The following BTNL3 variants were observed in gnomAD, a reference collection of about 807,000 sequenced individuals.
BTNL3 encodes the protein butyrophilin like 3.
In BTNL3, 20 loss-of-function variants were observed where a neutral mutation model predicts 40.1. The observed-to-expected ratio is 0.50, with a 90% CI of 0.35 to 0.72. BTNL3 has a LOEUF of 0.72. BTNL3 is among the 30% of genes least tolerant of loss of function. The pLI is 0.01. For missense variants in BTNL3, 449 were observed against 582.2 expected, an observed-to-expected ratio of 0.77 and a Z score of 2.35; for synonymous variants, 179 against 222.1, an observed-to-expected ratio of 0.81 and a Z score of 1.73.
At position 181,006,034 on chromosome 5, in the gene BTNL3, C is replaced by T; in HGVS notation, c.*162C>T. 1 of 772,954 alleles carries T rather than the reference C, an allele frequency of 1.3e-6. No homozygotes were observed. The allele number at this position is 772,954 out of a possible 1,614,324, so 47.9% of individuals were successfully genotyped here. On this transcript the variant is annotated 3_prime_UTR_variant, in exon 8 of 8. Transcript: ENST00000342868. ...GAGCTGAGGTTCTTCTGCCCTGAGC[C>T]CTGCAGCAGCGGCAGTCACAGCTTC...
Position 180,988,924 on chromosome 5 carries a change from C to T in BTNL3, c.-105C>T, listed in dbSNP as rs1759936013. The T allele has an allele frequency of 4.0e-6, 5 of 1,250,840 alleles. 1 individual carries two copies. In the African/African-American group the frequency reaches 4.4e-5, roughly 11 times the overall value. The allele number at this position is 1,250,840 out of a possible 1,614,324, so 77.5% of individuals were successfully genotyped here. Reference sequence around the variant, plus strand: ...GTTTGACATCGTTCATGAAGAGCCTCTCCACGGCTCCTGCGCCTGAGACAG... The same window carrying T: ...GTTTGACATCGTTCATGAAGAGCCTTTCCACGGCTCCTGCGCCTGAGACAG... On this transcript the variant is annotated 5_prime_UTR_variant, in exon 1 of 8. Transcript: ENST00000342868.
intron 5 of BTNL3, 122 bp downstream of exon 5, chr5:181,003,998 A>C (rs772427875): frequency 6.6e-7 from 1 of 1,508,894 alleles, no homozygotes; most frequent in Admixed American, 1.8e-5. Context: ...GGTGGAGGGG[A>C]GCAGCTGCTC....
At chr5:180,989,169 G>C in intron 1 of BTNL3, 92 bp downstream of exon 1, 1 of 1,274,656 alleles carries the variant, frequency 7.8e-7, no homozygotes, top group Admixed American at 3.3e-5. Flanking sequence ...GTGAGATGCA[G>C]GAATCTTTGG....
intron 1 of BTNL3, among the ~76,000 whole-genome samples, chr5:180,989,952 G>A (rs1256107465): frequency 2.2e-5 from 3 of 136,510 alleles, no homozygotes; most frequent in Non-Finnish European, 3.4e-5. Flanking sequence ...CTGAGGTCAG[G>A]AGTTTGAGAC....
At chr5:180,994,278 A>G (rs1451715643) in intron 2 of BTNL3, among the ~76,000 whole-genome samples, 1 of 136,930 alleles carries the variant, frequency 7.3e-6, no homozygotes, top group African/African-American at 2.5e-5. Flanking sequence ...CTAGTGACAA[A>G]TTCTCTTAGT....
chr5:181,002,678 T>C lies in BTNL3; in HGVS notation c.680T>C (p.Phe227Ser), dbSNP rs766933868. Residue 227 changes from phenylalanine to serine, a missense_variant, in exon 4 of 8, where the codon TTT (phenylalanine) becomes TCT (serine). Phe to Ser is a radical substitution (Grantham distance 155, BLOSUM62 -2). This residue lies in a region of BTNL3 where 323 missense variants were observed against 464.9 expected (regional missense o/e 0.69). Transcript: ENST00000342868. ...CTGTGGGACTGTTTTTCAGAGACGTTTTTCCAGCCCTCACCTTGGCGCCTG... is the reference window on the plus strand; with the variant it reads ...CTGTGGGACTGTTTTTCAGAGACGTCTTTCCAGCCCTCACCTTGGCGCCTG... ...VESKVLIGET[F>S]FQPSPWRLAS... 4 of 1,454,552 alleles carry C rather than the reference T, an allele frequency of 2.7e-6. No individual in the cohort carries two copies. Among genetic ancestry groups the C allele is most frequent in the East Asian group, 4.9e-5 (2 of 40,504 alleles). The allele number at this position is 1,454,552 out of a possible 1,614,324, so 90.1% of individuals were successfully genotyped here.
At chr5:181,001,311 G>C (rs1760105772) in intron 3 of BTNL3, among the ~76,000 whole-genome samples, 1 of 135,256 alleles carries the variant, frequency 7.4e-6, no homozygotes, top group Admixed American at 7.9e-5. Flanking sequence ...TTTTTGGTTT[G>C]TTTGTTTTTT....
intron 7 of BTNL3, among the ~76,000 whole-genome samples, chr5:181,005,035 A>G (rs1334905134): frequency 6.6e-6 from 1 of 152,176 alleles, no homozygotes; most frequent in African/African-American, 2.4e-5. Context: ...AAGTGAAGTT[A>G]GCAGGAACTG....
In BTNL3 at chr5:181,000,966, C is replaced by A. The variant is rs1424661406; in HGVS notation, c.674-1706C>A. Among the ~76,000 whole-genome samples, 2 of 135,854 alleles carry A rather than the reference C, an allele frequency of 1.5e-5. 1 individual carries two copies. The allele number at this position is 135,854 out of a possible 152,430, so 89.1% of individuals were successfully genotyped here. A position where few individuals can be genotyped will look rare whatever the true frequency, so the allele number is the denominator to read the frequency against. On this transcript the variant is annotated intron_variant, in intron 3 of 7. Transcript: ENST00000342868. ...AGGGAAGAAAATGTAAAAGTTATAA[C>A]TTTTAGAAAGAAAAAAATTAAATGG...
Position 181,006,096 on chromosome 5 carries a change from A to T in BTNL3, c.*224A>T. 1 of 515,074 alleles carries T rather than the reference A, an allele frequency of 1.9e-6. No homozygotes were observed. Among genetic ancestry groups the T allele is most frequent in the East Asian group, 3.0e-5 (1 of 33,490 alleles). The allele number at this position is 515,074 out of a possible 1,614,324, so 31.9% of individuals were successfully genotyped here. On this transcript the variant is annotated 3_prime_UTR_variant, in exon 8 of 8. Coordinates refer to ENST00000342868, the MANE Select transcript of BTNL3 (RefSeq NM_197975.3). ...GGATTGGCCTGACCCTGTGGGAGTC[A>T]GAAGCCATGGCTGCCCTGAAGTGGG...
At position 181,005,115 on chromosome 5, in the gene BTNL3, G is replaced by C. The variant is rs1760195885; in HGVS notation, c.863-219G>C. Among the ~76,000 whole-genome samples, 4 of 152,086 alleles carry C rather than the reference G, an allele frequency of 2.6e-5. No individual in the cohort carries two copies. In the South Asian group the frequency reaches 8.3e-4, roughly 31 times the overall value. On this transcript the variant is annotated intron_variant, in intron 7 of 7. Transcript: ENST00000342868. ...AAAGTCAAATAGAGGGCTTACGTGG[G>C]AGGGCAGTGGTAGGGCTGGGTGAAC...
Position 180,992,700 on chromosome 5 carries a change from G to C in BTNL3, c.50-113G>C. On this transcript the variant is annotated intron_variant, in intron 1 of 7. Transcript: ENST00000342868. ...GTGCAAATGCAAGTCATCAGGTTTA[G>C]AAAGAAGACTGATGGATCCCCCACC... is the stretch of plus-strand genomic sequence containing the variant. 1.6e-6 allele frequency: 2 copies of C among 1,252,876 alleles called. 1 individual carries two copies. Among genetic ancestry groups the C allele is most frequent in the Non-Finnish European group, 2.2e-6 (2 of 915,536 alleles). 77.6% of individuals were successfully genotyped at this position (1,252,876 alleles called of 1,614,324 possible).
At chr5:180,998,840 T>C (rs1760068209) in intron 3 of BTNL3, among the ~76,000 whole-genome samples, 1 of 137,838 alleles carries the variant, frequency 7.3e-6, no homozygotes, top group Admixed American at 7.6e-5. Context: ...GTCAAAATTT[T>C]ATCTGGCCGG....
Position 181,005,920 on chromosome 5 carries a change from C to T in BTNL3, c.*48C>T. 6.6e-7 allele frequency: 1 copy of T among 1,518,206 alleles called. No homozygotes were observed. The allele number at this position is 1,518,206 out of a possible 1,614,324, so 94.0% of individuals were successfully genotyped here. A position where few individuals can be genotyped will look rare whatever the true frequency, so the allele number is the denominator to read the frequency against. ...GGGCCCCACACCACAGACCCAGACACAGCCAAGGGAGAGTGCTCCCGACAG... is the reference window on the plus strand; with the variant it reads ...GGGCCCCACACCACAGACCCAGACATAGCCAAGGGAGAGTGCTCCCGACAG... On this transcript the variant is annotated 3_prime_UTR_variant, in exon 8 of 8. Coordinates refer to ENST00000342868, the MANE Select transcript of BTNL3 (RefSeq NM_197975.3).
chr5:181,002,017 C>A (rs1454235468), intron 3 of BTNL3, among the ~76,000 whole-genome samples: 2 of 134,992 alleles, frequency 1.5e-5, no homozygotes, highest in Non-Finnish European at 3.4e-5. Flanking sequence ...CAAGTCAATT[C>A]CAAAGTTTAT....
chr5:180,997,608 A>G, intron 3 of BTNL3, 120 bp downstream of exon 3: 2 of 1,327,156 alleles, frequency 1.5e-6, no homozygotes, highest in South Asian at 2.6e-5. Context: ...TTGTTTTGAG[A>G]GTCAAAGATT....
At position 180,999,542 on chromosome 5, in the gene BTNL3, G is replaced by A. The variant is rs2113082494; in HGVS notation, c.673+2054G>A. ...AGGACAGGCGCAGTGGCTCATGCCT[G>A]TAGTCCCAGCAGTGTGGAAGGCTGA... On this transcript the variant is annotated intron_variant, in intron 3 of 7. Coordinates refer to ENST00000342868, the MANE Select transcript of BTNL3 (RefSeq NM_197975.3). Among the ~76,000 whole-genome samples, 2 of 137,470 alleles carry A rather than the reference G, an allele frequency of 1.5e-5. 1 individual carries two copies. The highest frequency in any genetic ancestry group is 1.5e-4 in the Admixed American group (2 of 13,004). 90.2% of individuals were successfully genotyped at this position (137,470 alleles called of 152,430 possible). A position where few individuals can be genotyped will look rare whatever the true frequency, so the allele number is the denominator to read the frequency against.
intron 3 of BTNL3, among the ~76,000 whole-genome samples, 154 bp from the exon 4 acceptor site, chr5:181,002,493 TATATATATATATGAAATCCGGATGG>T (rs1760139646): frequency 9.3e-6 from 1 of 108,036 alleles, no homozygotes; most frequent in Non-Finnish European, 2.0e-5. Flanking sequence ...TATATATATA[TATATATATATATGAAATCCGGATGG>T]ATCAAGATGT....
rs1191630824 is a variant in BTNL3 at position 180,994,952 on chromosome 5, A to AT, written c.397+1800dup. Among the ~76,000 whole-genome samples, 19 of 133,608 alleles carry AT rather than the reference A, an allele frequency of 1.4e-4. 1 individual carries two copies. The highest frequency in any genetic ancestry group is 4.6e-4 in the African/African-American group (18 of 38,984). 87.7% of individuals were successfully genotyped at this position (133,608 alleles called of 152,430 possible). On this transcript the variant is annotated intron_variant, in intron 2 of 7. Coordinates refer to ENST00000342868, the MANE Select transcript of BTNL3 (RefSeq NM_197975.3). The stretch of plus-strand genomic sequence containing the variant: ...AGGCACCTGCCACCACGCCCGGCTA[A>AT]TTTTTTTTGTATTTTTAGTAGAGAC...
Sources: gnomAD v4.1 joint callset for allele counts (sites outside exome capture counted in the v4.1 genomes callset) on GRCh38, gnomAD v4.1.1 for gene constraint, gnomAD v4.1.1 regional missense constraint, MANE v1.5 for transcripts, NCBI Gene and HGNC (gene_info 2026-07-23, HGNC 2026-07-21) for gene names.